Variants in TBC1D22A observed in about 807,000 individuals in gnomAD.
TBC1D22A encodes the protein putative GTPase activator.
A neutral mutation model predicts 60.2 loss-of-function variants in TBC1D22A; 38 were observed. The observed-to-expected ratio is 0.63, with a 90% CI of 0.49 to 0.83. The LOEUF (loss-of-function observed/expected upper bound fraction) is 0.83. Among genes scored for constraint, TBC1D22A ranks in the 40% least tolerant of loss-of-function variants. The probability of loss-of-function intolerance (pLI) is 0.00; values close to 1 mark genes in which losing one functional copy is unlikely to be tolerated. For synonymous variants in TBC1D22A, 302 were observed against 281.7 expected (o/e 1.07, Z -0.72); for missense variants, 628 against 701.0 (o/e 0.90, Z 1.18).
chr22:46,828,091 G>C (rs927602236), intron 4 of TBC1D22A, among the ~76,000 whole-genome samples: 8 of 152,196 alleles, frequency 5.3e-5, no homozygotes, highest in African/African-American at 1.7e-4. Flanking sequence ...GAAGCATCTT[G>C]AGGCCAGGGG....
chr22:46,977,561 C>T (rs1489711490), intron 9 of TBC1D22A, among the ~76,000 whole-genome samples: 1 of 150,946 alleles, frequency 6.6e-6, no homozygotes, highest in Admixed American at 6.6e-5. Flanking sequence ...CCACTTTTCT[C>T]CCGACAAATC....
chr22:46,834,989 A>G (rs2086457116), intron 4 of TBC1D22A, among the ~76,000 whole-genome samples: 1 of 152,198 alleles, frequency 6.6e-6, no homozygotes, highest in African/African-American at 2.4e-5. Context: ...GCTTCGTGAC[A>G]CCTGGCCTGG....
At chr22:46,820,694 ATG>A (rs1015065055) in intron 4 of TBC1D22A, among the ~76,000 whole-genome samples, 76 of 152,370 alleles carry the variant, frequency 5.0e-4, no homozygotes, top group African/African-American at 1.8e-3. Context: ...ACTGAGAAGA[ATG>A]TATATTCTGT....
intron 1 of TBC1D22A, among the ~76,000 whole-genome samples, chr22:46,781,695 C>T (rs1005091799): frequency 5.3e-5 from 8 of 152,310 alleles, no homozygotes; most frequent in African/African-American, 1.2e-4. Context: ...ATCTCTCTGC[C>T]GGCCCCTCCC....
intron 4 of TBC1D22A, among the ~76,000 whole-genome samples, chr22:46,840,603 T>A (rs1041959284): frequency 1.3e-5 from 2 of 151,898 alleles, no homozygotes; most frequent in Admixed American, 6.6e-5. Flanking sequence ...CATGGTAGTG[T>A]GCGCCTGTAG....
chr22:47,150,487 C>T (rs190939438), intron 12 of TBC1D22A, among the ~76,000 whole-genome samples: 9 of 152,330 alleles, frequency 5.9e-5, no homozygotes, highest in South Asian at 2.1e-4. Flanking sequence ...CTCTCGAGCC[C>T]GCGTACACCT....
chr22:47,114,056 G>T (rs770865261), intron 12 of TBC1D22A, among the ~76,000 whole-genome samples: 1 of 152,194 alleles, frequency 6.6e-6, no homozygotes, highest in East Asian at 1.9e-4. Flanking sequence ...TCACCCTGCC[G>T]CAGCTCATTG....
At chr22:46,908,307 G>A (rs974783113) in intron 7 of TBC1D22A, among the ~76,000 whole-genome samples, 3 of 152,126 alleles carry the variant, frequency 2.0e-5, no homozygotes, top group Admixed American at 1.3e-4. Context: ...TGTGGGGTCC[G>A]CAGGTCTCCC....
chr22:46,910,228 A>G (rs2069814993), intron 7 of TBC1D22A, among the ~76,000 whole-genome samples: 2 of 152,118 alleles, frequency 1.3e-5, no homozygotes, highest in African/African-American at 4.8e-5. Flanking sequence ...AGCCGTGTGC[A>G]CTGCATGCTA....
chr22:46,932,965 C>T (rs1007523893), intron 8 of TBC1D22A, among the ~76,000 whole-genome samples: 2 of 152,032 alleles, frequency 1.3e-5, no homozygotes, highest in South Asian at 2.1e-4. Context: ...CCTTGTGATC[C>T]GCCTGCCTTG....
chr22:46,907,161 CGT>C (rs1410383332), intron 7 of TBC1D22A, among the ~76,000 whole-genome samples: 2 of 152,100 alleles, frequency 1.3e-5, no homozygotes, highest in African/African-American at 4.8e-5. Flanking sequence ...TGTTCTTCTC[CGT>C]GTGTGCACAC....
chr22:46,946,559 C>T (rs939735056), intron 8 of TBC1D22A, among the ~76,000 whole-genome samples: 7 of 152,202 alleles, frequency 4.6e-5, no homozygotes, highest in Non-Finnish European at 1.0e-4. Context: ...CTCACTGCCT[C>T]ATCCACAGAA....
At chr22:47,079,189 C>T (rs1310086206) in intron 11 of TBC1D22A, among the ~76,000 whole-genome samples, 1 of 150,062 alleles carries the variant, frequency 6.7e-6, no homozygotes, top group South Asian at 2.1e-4. Context: ...CAGGTTCAAG[C>T]AATTCTCCTG....
At chr22:46,818,361 C>T (rs972832283) in intron 4 of TBC1D22A, among the ~76,000 whole-genome samples, 2 of 152,242 alleles carry the variant, frequency 1.3e-5, no homozygotes, top group Admixed American at 1.3e-4. Flanking sequence ...AGGTTTTCTT[C>T]TAGGGTTTTT....
intron 9 of TBC1D22A, among the ~76,000 whole-genome samples, chr22:46,994,851 A>G (rs1396997910): frequency 6.6e-6 from 1 of 152,192 alleles, no homozygotes. Context: ...ATCTCTGGGG[A>G]GAAATTAAGT....
intron 1 of TBC1D22A, among the ~76,000 whole-genome samples, chr22:46,768,447 C>T (rs969605973): frequency 3.4e-5 from 5 of 145,628 alleles, no homozygotes; most frequent in Non-Finnish European, 7.5e-5. Flanking sequence ...GTCGCGCCAC[C>T]GCCCCGCAGC....
chr22:47,173,590 T>C lies in TBC1D22A; in HGVS notation c.1518T>C (p.Phe506=). Residue 506 remains phenylalanine, a synonymous_variant, in exon 13 of 13, where the codon TTT becomes TTC. Coordinates refer to ENST00000337137, the MANE Select transcript of TBC1D22A (RefSeq NM_014346.5). The part of the protein sequence containing the change: ...LLLAEAYRLK[F]AFADAPNHYK... ...TGGCCGAGGCCTACCGCCTCAAGTT[T>C]GCTTTTGCCGACGCCCCCAATCACT... 6.2e-7 allele frequency: 1 copy of C among 1,614,136 alleles called. No homozygotes were observed. The highest frequency in any genetic ancestry group is 8.5e-7 in the Non-Finnish European group (1 of 1,180,012).
At chr22:46,904,138 TCTATCTACCTACCTAC>T (rs1364735351) in intron 7 of TBC1D22A, among the ~76,000 whole-genome samples, 2,139 of 55,186 alleles carry the variant, frequency 0.039, 23 homozygotes, top group East Asian at 0.061. Flanking sequence ...TATCTATCTA[TCTATCTACCTACCTAC>T]CTACCTACCT....
intron 4 of TBC1D22A, among the ~76,000 whole-genome samples, chr22:46,877,575 T>C (rs888828048): frequency 6.6e-6 from 1 of 152,246 alleles, no homozygotes; most frequent in African/African-American, 2.4e-5. Flanking sequence ...ATGCAAGTTA[T>C]TGCTGCGACT....
Sources: gnomAD v4.1 joint callset for allele counts (sites outside exome capture counted in the v4.1 genomes callset) on GRCh38, gnomAD v4.1.1 for gene constraint, MANE v1.5 for transcripts, NCBI Gene and HGNC (gene_info 2026-07-23, HGNC 2026-07-21) for gene names.